The following SYN3 variants were observed in gnomAD, a reference collection of about 807,000 sequenced individuals.
The protein encoded by SYN3 is synapsin-3.
In SYN3, 35 loss-of-function variants were observed where a neutral mutation model predicts 65.8. That is an observed-to-expected ratio of 0.53 (90% CI 0.41 to 0.70). The LOEUF (loss-of-function observed/expected upper bound fraction) is 0.70, where lower values mean the gene tolerates loss of function less well. Among genes scored for constraint, SYN3 ranks in the 30% least tolerant of loss-of-function variants. SYN3 has a pLI of 0.00. For synonymous variants in SYN3, 270 were observed against 292.9 expected (o/e 0.92, Z 0.80); for missense variants, 680 against 749.0 (o/e 0.91, Z 1.08).
rs62234205 is a variant in SYN3 at position 32,950,386 on chromosome 22, G to A, written c.370-18905C>T. 4.9e-3 allele frequency among the ~76,000 whole-genome samples: 746 copies of A among 152,182 alleles called. 2 individuals carry two copies. The highest frequency in any genetic ancestry group is 0.014 in the Middle Eastern group (4 of 294). ...CAGGGTCATGGCCGGGGGTGATTCT[G>A]GCCTCCACATTCTGCCTCTCTGTAG... On this transcript the variant is annotated intron_variant, in intron 3 of 13. Coordinates refer to ENST00000358763, the MANE Select transcript of SYN3 (RefSeq NM_003490.4).
chr22:32,977,002 G>T (rs2052212528), intron 3 of SYN3, among the ~76,000 whole-genome samples: 1 of 151,878 alleles, frequency 6.6e-6, no homozygotes, highest in Non-Finnish European at 1.5e-5. Flanking sequence ...CCTGGGGGGG[G>T]GGTTGCTTGT....
At position 32,533,843 on chromosome 22, in the gene SYN3, A is replaced by T; in HGVS notation, c.1045T>A (p.Cys349Ser). Residue 349 changes from cysteine (C) to serine (S), a missense_variant, in exon 10 of 14, where the codon TGT becomes AGT. By Grantham distance (112) the Cys-to-Ser change is moderately radical. Transcript: ENST00000358763. ...CSEMFGGLDI[C>S]AVKAVHSKDG... The stretch of plus-strand genomic sequence containing the variant: ...TTGCTGTGGACAGCCTTGACGGCAC[A>T]GATGTCCAGGCCGCCAAACATTTCC... 6.2e-7 allele frequency: 1 copy of T among 1,613,990 alleles called. No individual in the cohort carries two copies. Among genetic ancestry groups the T allele is most frequent in the Non-Finnish European group, 8.5e-7 (1 of 1,179,914 alleles).
intron 7 of SYN3, among the ~76,000 whole-genome samples, chr22:32,553,507 A>G (rs1222990930): frequency 1.3e-5 from 2 of 152,204 alleles, no homozygotes; most frequent in Non-Finnish European, 2.9e-5. Flanking sequence ...AGGTGATAGA[A>G]ATGGGTCTCA....
intron 6 of SYN3, among the ~76,000 whole-genome samples, chr22:32,641,062 C>T (rs1028043786): frequency 6.6e-6 from 1 of 152,186 alleles, no homozygotes; most frequent in African/African-American, 2.4e-5. Context: ...GTGACCAAAC[C>T]AGCCCCACAG....
chr22:32,735,749 C>A (rs1376059051), intron 6 of SYN3, among the ~76,000 whole-genome samples: 2 of 152,216 alleles, frequency 1.3e-5, no homozygotes, highest in African/African-American at 4.8e-5. Flanking sequence ...GGTCTCCCAG[C>A]CCACAGGGAG....
At chr22:33,034,977 T>C (rs1278005455) in intron 1 of SYN3, among the ~76,000 whole-genome samples, 1 of 152,118 alleles carries the variant, frequency 6.6e-6, no homozygotes, top group African/African-American at 2.4e-5. Flanking sequence ...TGCAGTGCCC[T>C]TCACCTTGGG....
At chr22:32,572,766 A>G (rs941352366) in intron 7 of SYN3, among the ~76,000 whole-genome samples, 1 of 152,032 alleles carries the variant, frequency 6.6e-6, no homozygotes, top group African/African-American at 2.4e-5. Context: ...ATTTCTGACA[A>G]TACACCAGCC....
chr22:33,039,402 G>A (rs1362119260), intron 1 of SYN3, among the ~76,000 whole-genome samples: 1 of 141,108 alleles, frequency 7.1e-6, no homozygotes, highest in African/African-American at 2.6e-5. Context: ...TTGAGACAGA[G>A]TCTCACTCTG....
intron 6 of SYN3, among the ~76,000 whole-genome samples, chr22:32,790,438 A>ATTTAT (rs370081274): frequency 6.9e-6 from 1 of 145,138 alleles, no homozygotes; most frequent in Non-Finnish European, 1.5e-5. Context: ...TTATTTATTT[A>ATTTAT]TTATTGAGAC....
intron 6 of SYN3, among the ~76,000 whole-genome samples, chr22:32,608,859 C>T (rs549985720): frequency 1.3e-5 from 2 of 152,300 alleles, no homozygotes; most frequent in South Asian, 4.1e-4. Context: ...GCCAGAAACT[C>T]TTTGGGGATA....
intron 4 of SYN3, among the ~76,000 whole-genome samples, chr22:32,887,556 G>T (rs566492535): frequency 3.9e-5 from 6 of 152,290 alleles, no homozygotes; most frequent in African/African-American, 4.8e-5. Context: ...TGACAATCTT[G>T]ATGTCAGTCT....
At chr22:32,993,673 C>G (rs2052791985) in intron 2 of SYN3, among the ~76,000 whole-genome samples, 1 of 152,088 alleles carries the variant, frequency 6.6e-6, no homozygotes, top group Non-Finnish European at 1.5e-5. Context: ...ATGCAAAGAA[C>G]TGTATCCAAC....
At chr22:32,767,689 A>C (rs73395524) in intron 6 of SYN3, among the ~76,000 whole-genome samples, 3 of 151,912 alleles carry the variant, frequency 2.0e-5, no homozygotes, top group African/African-American at 7.2e-5. Context: ...CTTTTCTTTT[A>C]TTTTCTTTGT....
In SYN3 at chr22:32,637,929, G is replaced by A. The variant is rs140464840; in HGVS notation, c.712-41193C>T. Among the ~76,000 whole-genome samples the A allele has an allele frequency of 3.6e-3, 552 of 152,148 alleles. 6 individuals are homozygous for A. Among genetic ancestry groups the A allele is most frequent in the African/African-American group, 0.012 (518 of 41,504 alleles). ...GCTAGGATTACAGGCATGAGCCACC[G>A]CGCCCAGCAACAGTTAGCTTTTCAA... On this transcript the variant is annotated intron_variant, in intron 6 of 13. Transcript: ENST00000358763.
At chr22:32,825,782 G>A (rs920440624) in intron 6 of SYN3, among the ~76,000 whole-genome samples, 2 of 143,998 alleles carry the variant, frequency 1.4e-5, no homozygotes, top group African/African-American at 5.1e-5. Context: ...ACACAAGGAT[G>A]TTTATCATAG....
intron 7 of SYN3, among the ~76,000 whole-genome samples, chr22:32,552,593 G>T (rs2058433496): frequency 6.6e-6 from 1 of 152,116 alleles, no homozygotes; most frequent in South Asian, 2.1e-4. Flanking sequence ...GGGGTTAACA[G>T]TGGTTATGTC....
At chr22:32,926,766 T>C (rs1233215186) in intron 4 of SYN3, among the ~76,000 whole-genome samples, 1 of 152,240 alleles carries the variant, frequency 6.6e-6, no homozygotes, top group East Asian at 1.9e-4. Flanking sequence ...TTGGTATACA[T>C]ACACTGGTGA....
chr22:32,612,837 T>C (rs531964123), intron 6 of SYN3, among the ~76,000 whole-genome samples: 144 of 151,812 alleles, frequency 9.5e-4, no homozygotes, highest in African/African-American at 3.4e-3. Context: ...AGACCCTGTG[T>C]CCTAAATAAA....
At chr22:32,657,626 G>A (rs2060160817) in intron 6 of SYN3, among the ~76,000 whole-genome samples, 1 of 152,228 alleles carries the variant, frequency 6.6e-6, no homozygotes, top group Non-Finnish European at 1.5e-5. Flanking sequence ...ATCATTCTGA[G>A]AACAAGGCAG....
Sources: allele counts gnomAD v4.1 joint callset (sites outside exome capture counted in the v4.1 genomes callset), GRCh38; gene constraint gnomAD v4.1.1; transcripts MANE v1.5; gene names NCBI Gene and HGNC (gene_info 2026-07-23, HGNC 2026-07-21).